The following TIGAR variants were observed in gnomAD, a reference collection of about 807,000 sequenced individuals.
The protein encoded by TIGAR is TP53 induced glycolysis regulatory phosphatase.
TIGAR carries 7 observed loss-of-function variants against 17.9 expected under a neutral mutation model. The ratio of observed to expected loss-of-function variants is 0.39; its 90% CI spans 0.22 to 0.73. The LOEUF (loss-of-function observed/expected upper bound fraction) is 0.73. Ranked by LOEUF, TIGAR falls within the 30% of genes least tolerant of loss-of-function variation. TIGAR has a pLI of 0.42. For synonymous variants in TIGAR, 94 were observed against 108.6 expected, an observed-to-expected ratio of 0.87 and a Z score of 0.84; for missense variants, 258 against 327.4, an observed-to-expected ratio of 0.79 and a Z score of 1.64.
chr12:4,336,152 T>C (rs1864655605), intron 2 of TIGAR, among the ~76,000 whole-genome samples: 1 of 152,244 alleles, frequency 6.6e-6, no homozygotes, highest in South Asian at 2.1e-4. Flanking sequence ...GAAAACCTGT[T>C]AGCCTCTTTT....
chr12:4,324,942 CTTT>C lies in TIGAR; in HGVS notation c.32+3651_32+3653del, dbSNP rs35996093. The C allele has an allele frequency of 4.7e-4, 90 of 190,514 alleles. 1 individual carries two copies. The highest frequency in any genetic ancestry group is 2.1e-3 in the Middle Eastern group (1 of 470). The allele number at this position is 190,514 out of a possible 1,614,324, so 11.8% of individuals were successfully genotyped here. A position where few individuals can be genotyped will look rare whatever the true frequency, so the allele number is the denominator to read the frequency against. ...AATTAGTAAAGTTTTTTTGTTTTTGCTTTTTTTTTTTTTTGACGAAACGGAGTT... is the reference window on the plus strand; with the variant it reads ...AATTAGTAAAGTTTTTTTGTTTTTGCTTTTTTTTTTTGACGAAACGGAGTT... On this transcript the variant is annotated intron_variant, in intron 1 of 5. Coordinates refer to ENST00000179259, the MANE Select transcript of TIGAR (RefSeq NM_020375.3).
rs1443408484 is a variant in TIGAR, at chr12:4,357,280, AT to A, written c.*4590del. On this transcript the variant is annotated 3_prime_UTR_variant, in exon 6 of 6. Transcript: ENST00000179259. ...AATGGTTCTATTATATGTCTTCACT[AT>A]ATTAAGGTCAGTCACAATTTAATTG... Among the ~76,000 whole-genome samples, 1 of 152,222 alleles carries A rather than the reference AT, an allele frequency of 6.6e-6. No individual in the cohort carries two copies. The highest frequency in any genetic ancestry group is 1.5e-5 in the Non-Finnish European group (1 of 68,042).
Position 4,352,779 on chromosome 12 carries a change from A to G in TIGAR, c.*88A>G. On this transcript the variant is annotated 3_prime_UTR_variant, in exon 6 of 6. Transcript: ENST00000179259. The stretch of plus-strand genomic sequence containing the variant: ...TTACTTCTCTCCTCTGCTAGTTCTG[A>G]TTTGGAAACAGTTAAAAGCCAATTT... The G allele has an allele frequency of 7.3e-7, 1 of 1,368,910 alleles. No homozygotes were observed. The highest frequency in any genetic ancestry group is 9.8e-7 in the Non-Finnish European group (1 of 1,025,000). 84.8% of individuals were successfully genotyped at this position (1,368,910 alleles called of 1,614,324 possible).
chr12:4,344,103 A>C (rs1025034864), intron 3 of TIGAR, among the ~76,000 whole-genome samples: 3 of 152,244 alleles, frequency 2.0e-5, no homozygotes, highest in Admixed American at 6.5e-5. Flanking sequence ...AAACACCTCT[A>C]CACAAATAAA....
chr12:4,339,111 G>A (rs1416540924), intron 3 of TIGAR, among the ~76,000 whole-genome samples: 1 of 151,890 alleles, frequency 6.6e-6, no homozygotes, highest in East Asian at 1.9e-4. Context: ...CAAAAGATCA[G>A]TGAAATGATA....
At chr12:4,347,905 G>A (rs1367534540) in intron 3 of TIGAR, among the ~76,000 whole-genome samples, 1 of 152,188 alleles carries the variant, frequency 6.6e-6, no homozygotes, top group African/African-American at 2.4e-5. Flanking sequence ...GGAGGCCGAA[G>A]CGGGAAGATC....
At chr12:4,341,517 G>T (rs1263340721) in intron 3 of TIGAR, among the ~76,000 whole-genome samples, 1 of 152,170 alleles carries the variant, frequency 6.6e-6, no homozygotes, top group African/African-American at 2.4e-5. Context: ...ACCTCACACG[G>T]CCGGGTACCC....
At chr12:4,349,529 T>G (rs2120690121) in intron 3 of TIGAR, among the ~76,000 whole-genome samples, 2 of 152,178 alleles carry the variant, frequency 1.3e-5, no homozygotes, top group Admixed American at 1.3e-4. Context: ...GCAATTCTTC[T>G]GCCTCAGCCT....
chr12:4,354,591 T>C lies in TIGAR; in HGVS notation c.*1900T>C, dbSNP rs1437295273. ...ATCAAGCCATCTGTGTTCTTTATTT[T>C]TACTTATGTCTTGGAGGCATCTCTG... On this transcript the variant is annotated 3_prime_UTR_variant, in exon 6 of 6. Transcript: ENST00000179259. The C allele has an allele frequency of 6.6e-6, 1 of 152,174 alleles. No homozygotes were observed. The highest frequency in any genetic ancestry group is 2.4e-5 in the African/African-American group (1 of 41,444). 9.4% of individuals were successfully genotyped at this position (152,174 alleles called of 1,614,324 possible). A position where few individuals can be genotyped will look rare whatever the true frequency, so the allele number is the denominator to read the frequency against.
intron 2 of TIGAR, among the ~76,000 whole-genome samples, chr12:4,336,454 A>G (rs1460069176): frequency 0.012 from 1,113 of 89,728 alleles, 13 homozygotes; most frequent in East Asian, 0.037. Context: ...CAGCACACAC[A>G]CACACACACA....
chr12:4,334,331 T>C (rs190861951), intron 2 of TIGAR, among the ~76,000 whole-genome samples: 2 of 152,248 alleles, frequency 1.3e-5, no homozygotes, highest in East Asian at 1.9e-4. Flanking sequence ...GGCAGAGAGA[T>C]AGATTGAGAA....
intron 3 of TIGAR, among the ~76,000 whole-genome samples, chr12:4,344,802 A>G (rs1422820780): frequency 2.6e-5 from 4 of 152,208 alleles, no homozygotes; most frequent in East Asian, 1.9e-4. Flanking sequence ...AGGGTATTCA[A>G]TTAGGAAAAG....
At chr12:4,331,881 TA>T (rs1864607040) in intron 2 of TIGAR, among the ~76,000 whole-genome samples, 1 of 152,230 alleles carries the variant, frequency 6.6e-6, no homozygotes. Context: ...CTAGACATGC[TA>T]TTTCTGTGCT....
At position 4,336,136 on chromosome 12, in the gene TIGAR, T is replaced by A. The variant is rs979760302; in HGVS notation, c.71-903T>A. Among the ~76,000 whole-genome samples the A allele has an allele frequency of 2.6e-5, 4 of 152,228 alleles. No individual in the cohort carries two copies. In the East Asian group the frequency reaches 7.7e-4, roughly 29 times the overall value. ...TGGCTAAACAATTATTTGTTCTAAA[T>A]TAGTGGAAAACCTGTTAGCCTCTTT... On this transcript the variant is annotated intron_variant, in intron 2 of 5. Coordinates refer to ENST00000179259, the MANE Select transcript of TIGAR (RefSeq NM_020375.3).
chr12:4,355,003 T>C lies in TIGAR; in HGVS notation c.*2312T>C, dbSNP rs1271748773. ...GCCTTGGCCTTCCAAAGTGCTGGGA[T>C]TGCAGGCATAAGCCACCGTGCCTGG... On this transcript the variant is annotated 3_prime_UTR_variant, in exon 6 of 6. Coordinates refer to ENST00000179259, the MANE Select transcript of TIGAR (RefSeq NM_020375.3). Among the ~76,000 whole-genome samples, 1 of 152,032 alleles carries C rather than the reference T, an allele frequency of 6.6e-6. No individual in the cohort carries two copies. The highest frequency in any genetic ancestry group is 1.5e-5 in the Non-Finnish European group (1 of 67,992).
chr12:4,350,275 A>G (rs1056436743), intron 4 of TIGAR, among the ~76,000 whole-genome samples: 1 of 152,242 alleles, frequency 6.6e-6, no homozygotes, highest in African/African-American at 2.4e-5. Flanking sequence ...CTTTGTAGTT[A>G]ATTTATTGTA....
chr12:4,323,697 A>G (rs1335610249), intron 1 of TIGAR, among the ~76,000 whole-genome samples: 6 of 152,220 alleles, frequency 3.9e-5, no homozygotes, highest in African/African-American at 1.4e-4. Context: ...AGATTACTTG[A>G]ACATCACCAG....
chr12:4,322,491 C>G (rs991582313), intron 1 of TIGAR, among the ~76,000 whole-genome samples: 1 of 152,188 alleles, frequency 6.6e-6, no homozygotes, highest in Non-Finnish European at 1.5e-5. Context: ...GAAATAACTT[C>G]TATAAAGAAA....
In TIGAR at chr12:4,321,226, G is replaced by A; in HGVS notation, c.-46G>A. ...TGTGGGGGAGGTAGCCCGCAGTGCA[G>A]GGGCAGCGCGGCGCGGGGCCACCGA... On this transcript the variant is annotated 5_prime_UTR_variant, in exon 1 of 6. Coordinates refer to ENST00000179259, the MANE Select transcript of TIGAR (RefSeq NM_020375.3). This position sits in a 1 kb window ranked among gnomAD's most constrained non-coding sequence, Gnocchi z 5.2. 6.3e-7 allele frequency: 1 copy of A among 1,598,966 alleles called. No homozygotes were observed. Among genetic ancestry groups the A allele is most frequent in the Non-Finnish European group, 8.5e-7 (1 of 1,179,280 alleles).
Sources: gnomAD v4.1 joint callset for allele counts (sites outside exome capture counted in the v4.1 genomes callset) on GRCh38, gnomAD v4.1.1 for gene constraint, Gnocchi (gnomAD v3.1) non-coding constraint, MANE v1.5 for transcripts, NCBI Gene and HGNC (gene_info 2026-07-23, HGNC 2026-07-21) for gene names.